Variants in CHCHD3 observed in about 807,000 individuals in gnomAD.
The protein encoded by CHCHD3 is MICOS complex subunit MIC19.
In CHCHD3, 20 loss-of-function variants were observed where a neutral mutation model predicts 38.2. The observed-to-expected ratio is 0.52, with a 90% CI of 0.37 to 0.76. The LOEUF (loss-of-function observed/expected upper bound fraction) is 0.76, where lower values mean the gene tolerates loss of function less well. Ranked by LOEUF, CHCHD3 falls within the 30% of genes least tolerant of loss-of-function variation. CHCHD3 has a pLI of 0.00. For synonymous variants in CHCHD3, 82 were observed against 100.0 expected, an observed-to-expected ratio of 0.82 and a Z score of 1.07; for missense variants, 245 against 279.2, an observed-to-expected ratio of 0.88 and a Z score of 0.87.
chr7:132,820,621 T>TTG (rs1182410740), intron 6 of CHCHD3, among the ~76,000 whole-genome samples: 2 of 150,198 alleles, frequency 1.3e-5, no homozygotes, highest in Admixed American at 6.6e-5. Context: ...GTTTTTTTTT[T>TTG]TTTTTTTTTT....
At chr7:133,022,611 CAAACA>C (rs1398464887) in intron 3 of CHCHD3, 6 of 384,978 alleles carry the variant, frequency 1.6e-5, no homozygotes, top group Non-Finnish European at 3.0e-5. Flanking sequence ...AAGGAGGCTT[CAAACA>C]AAACTTTTTT....
chr7:133,042,640 A>T lies in CHCHD3; in HGVS notation c.170-18013T>A, dbSNP rs556198639. Reference sequence around the variant, plus strand: ...CATACAATCACTCTCTGATGCAGAAACCGGGAAGATGTTCCATGTCCCTAC... The same window carrying T: ...CATACAATCACTCTCTGATGCAGAATCCGGGAAGATGTTCCATGTCCCTAC... On this transcript the variant is annotated intron_variant, in intron 2 of 7. Coordinates refer to ENST00000262570, the MANE Select transcript of CHCHD3 (RefSeq NM_017812.4). Among the ~76,000 whole-genome samples, 4 of 152,270 alleles carry T rather than the reference A, an allele frequency of 2.6e-5. No homozygotes were observed. In the South Asian group the frequency reaches 6.2e-4, roughly 24 times the overall value.
chr7:132,859,341 T>C (rs1452045681), intron 5 of CHCHD3, among the ~76,000 whole-genome samples: 6 of 152,202 alleles, frequency 3.9e-5, no homozygotes, highest in African/African-American at 1.4e-4. Flanking sequence ...TGTGATGCCT[T>C]TGTGGATATC....
intron 1 of CHCHD3, among the ~76,000 whole-genome samples, chr7:133,078,512 C>A (rs1562956092): frequency 6.6e-6 from 1 of 152,066 alleles, no homozygotes; most frequent in Non-Finnish European, 1.5e-5. Context: ...CTCAAAAAAA[C>A]CTCATAATTG....
intron 4 of CHCHD3, among the ~76,000 whole-genome samples, chr7:132,917,578 T>C (rs894549048): frequency 4.7e-4 from 71 of 152,274 alleles, no homozygotes; most frequent in African/African-American, 1.7e-3. Context: ...TGCCCTAGGC[T>C]GGGTGCCAGG....
chr7:133,009,189 C>T (rs556460374), intron 3 of CHCHD3, among the ~76,000 whole-genome samples: 1 of 151,786 alleles, frequency 6.6e-6, no homozygotes, highest in Non-Finnish European at 1.5e-5. Flanking sequence ...CATGTGACAC[C>T]CCATCTCTAT....
intron 5 of CHCHD3, among the ~76,000 whole-genome samples, chr7:132,845,964 A>G (rs1808066766): frequency 6.6e-6 from 1 of 152,228 alleles, no homozygotes; most frequent in Admixed American, 6.5e-5. Context: ...AAAGAAGGGC[A>G]TGCTATTATC....
intron 4 of CHCHD3, among the ~76,000 whole-genome samples, chr7:132,928,841 C>T (rs902616751): frequency 2.6e-5 from 4 of 152,162 alleles, no homozygotes; most frequent in Non-Finnish European, 4.4e-5. Context: ...CCTTGCTTTT[C>T]TCCGTCTCTT....
At chr7:132,909,319 C>T (rs1450977180) in intron 4 of CHCHD3, among the ~76,000 whole-genome samples, 2 of 152,060 alleles carry the variant, frequency 1.3e-5, no homozygotes, top group East Asian at 3.9e-4. Flanking sequence ...CATGGTGAAA[C>T]CCCGTCTCTA....
intron 4 of CHCHD3, among the ~76,000 whole-genome samples, chr7:132,901,092 T>C (rs1049101110): frequency 6.6e-6 from 1 of 152,242 alleles, no homozygotes; most frequent in African/African-American, 2.4e-5. Flanking sequence ...AATGGGTCAC[T>C]GGTAATGAAA....
chr7:132,787,732 G>A (rs890400464), intron 7 of CHCHD3, among the ~76,000 whole-genome samples: 1 of 152,088 alleles, frequency 6.6e-6, no homozygotes, highest in Non-Finnish European at 1.5e-5. Flanking sequence ...AGCAAAGGGT[G>A]GATAGATTAT....
At chr7:132,887,240 A>G (rs1312574804) in intron 4 of CHCHD3, among the ~76,000 whole-genome samples, 1 of 151,924 alleles carries the variant, frequency 6.6e-6, no homozygotes, top group Non-Finnish European at 1.5e-5. Context: ...AAAAACAAAT[A>G]CAATGTTAAG....
At chr7:132,799,048 T>TGTGC (rs1418049023) in intron 6 of CHCHD3, among the ~76,000 whole-genome samples, 1 of 135,248 alleles carries the variant, frequency 7.4e-6, no homozygotes, top group Non-Finnish European at 1.6e-5. Context: ...TGTGTGTGTG[T>TGTGC]GTGCAGTCAT....
At chr7:132,853,112 C>T (rs151168904) in intron 5 of CHCHD3, among the ~76,000 whole-genome samples, 1 of 152,226 alleles carries the variant, frequency 6.6e-6, no homozygotes, top group East Asian at 1.9e-4. Context: ...AGGATGAGTG[C>T]CACAAACAAG....
chr7:132,896,207 G>C (rs543413630), intron 4 of CHCHD3, among the ~76,000 whole-genome samples: 1 of 152,094 alleles, frequency 6.6e-6, no homozygotes, highest in Admixed American at 6.5e-5. Context: ...ACAAAAGCTC[G>C]TTCTTTTCTA....
intron 1 of CHCHD3, among the ~76,000 whole-genome samples, chr7:133,081,051 A>T: frequency 6.6e-6 from 1 of 152,204 alleles, no homozygotes; most frequent in East Asian, 1.9e-4. Flanking sequence ...CTGACACCCT[A>T]GAGAAAAACC....
chr7:133,044,879 AG>A (rs1387575205), intron 2 of CHCHD3, among the ~76,000 whole-genome samples: 12 of 152,240 alleles, frequency 7.9e-5, no homozygotes, highest in African/African-American at 2.2e-4. Context: ...GGCTGACAGC[AG>A]GGCTGAGGCA....
At chr7:132,914,568 T>C (rs139907665) in intron 4 of CHCHD3, among the ~76,000 whole-genome samples, 1 of 152,332 alleles carries the variant, frequency 6.6e-6, no homozygotes, top group East Asian at 1.9e-4. Flanking sequence ...AGTTTATTTG[T>C]TGTGGTAGAC....
chr7:132,879,883 G>A (rs900510439), intron 5 of CHCHD3, among the ~76,000 whole-genome samples: 1 of 151,916 alleles, frequency 6.6e-6, no homozygotes, highest in African/African-American at 2.4e-5. Context: ...TTATTTCAAC[G>A]TGAAAGAAGC....
Sources: allele counts gnomAD v4.1 joint callset (sites outside exome capture counted in the v4.1 genomes callset), GRCh38; gene constraint gnomAD v4.1.1; transcripts MANE v1.5; gene names NCBI Gene and HGNC (gene_info 2026-07-23, HGNC 2026-07-21).